Variants in DNAJC3 observed in about 807,000 individuals in gnomAD.
DNAJC3 encodes the protein dnaJ homolog subfamily C member 3.
DNAJC3 carries 38 observed loss-of-function variants against 68.6 expected under a neutral mutation model. The observed-to-expected ratio is 0.55, with a 90% CI of 0.43 to 0.73. The LOEUF (loss-of-function observed/expected upper bound fraction) is 0.73. Among genes scored for constraint, DNAJC3 ranks in the 30% least tolerant of loss-of-function variants. DNAJC3 has a pLI of 0.00. For synonymous variants in DNAJC3, 203 were observed against 204.0 expected (o/e 1.00, Z 0.04); for missense variants, 526 against 591.9 (o/e 0.89, Z 1.16).
intron 1 of DNAJC3, among the ~76,000 whole-genome samples, chr13:95,696,900 C>T (rs370669895): frequency 1.2e-4 from 19 of 152,254 alleles, no homozygotes; most frequent in African/African-American, 2.9e-4. Context: ...CGCCCACCAC[C>T]GCGCCTGGCT....
chr13:95,688,965 T>TGTGTGTGTGTGTGTGC (rs1491401957), intron 1 of DNAJC3, among the ~76,000 whole-genome samples: 1 of 130,910 alleles, frequency 7.6e-6, no homozygotes. Flanking sequence ...TGTGTGTGTG[T>TGTGTGTGTGTGTGTGC]GCGCGCTGTT....
rs1491401957 is a variant in DNAJC3 at position 95,688,965 on chromosome 13, T to TGTGTGTGTGC, written c.82+11629_82+11630insTGTGTGTGCG. Reference sequence around the variant, plus strand: ...GTGTGTGTGTGTGTGTGTGTGTGTGTGCGCGCTGTTGGATTTAGTTTGCTA... The same window carrying TGTGTGTGTGC: ...GTGTGTGTGTGTGTGTGTGTGTGTGTGTGTGTGTGCGCGCGCTGTTGGATTTAGTTTGCTA... On this transcript the variant is annotated intron_variant, in intron 1 of 11. Transcript: ENST00000602402. 2.4e-3 allele frequency among the ~76,000 whole-genome samples: 312 copies of TGTGTGTGTGC among 131,004 alleles called. 5 individuals carry two copies. The highest frequency in any genetic ancestry group is 7.8e-3 in the African/African-American group (301 of 38,346). 85.9% of individuals were successfully genotyped at this position (131,004 alleles called of 152,430 possible). A position where few individuals can be genotyped will look rare whatever the true frequency, so the allele number is the denominator to read the frequency against.
At chr13:95,766,641 A>C (rs953243392) in intron 9 of DNAJC3, among the ~76,000 whole-genome samples, 1 of 151,960 alleles carries the variant, frequency 6.6e-6, no homozygotes, top group African/African-American at 2.4e-5. Context: ...GTCATAGTGG[A>C]GAGTATGGAA....
At chr13:95,690,686 GGAC>G (rs1014653004) in intron 1 of DNAJC3, among the ~76,000 whole-genome samples, 4 of 136,820 alleles carry the variant, frequency 2.9e-5, no homozygotes, top group African/African-American at 8.2e-5. Context: ...CCTCCCTCCC[GGAC>G]GGGGCGGCTG....
At chr13:95,771,237 T>C (rs1883149220) in intron 9 of DNAJC3, among the ~76,000 whole-genome samples, 3 of 152,218 alleles carry the variant, frequency 2.0e-5, no homozygotes. Flanking sequence ...TACGGTAAAA[T>C]GCACAAGTCT....
intron 4 of DNAJC3, chr13:95,745,374 C>T (rs572992609): frequency 2.0e-5 from 3 of 152,306 alleles, no homozygotes; most frequent in South Asian, 4.2e-4. Flanking sequence ...CTCTCACACA[C>T]GTCTATCGTA....
rs17882856 is a variant in DNAJC3, at chr13:95,780,845, C to T, written c.1076-5094C>T. 9.3e-3 allele frequency among the ~76,000 whole-genome samples: 1,410 copies of T among 152,254 alleles called. 27 individuals are homozygous for T. The highest frequency in any genetic ancestry group is 0.032 in the African/African-American group (1,350 of 41,546). On this transcript the variant is annotated intron_variant, in intron 9 of 11. Coordinates refer to ENST00000602402, the MANE Select transcript of DNAJC3 (RefSeq NM_006260.5). ...AATGATTCAGGTGAATGGTGGCCCGCGTCACAGTGCTAACTATGGAAATGC... is the reference window on the plus strand; with the variant it reads ...AATGATTCAGGTGAATGGTGGCCCGTGTCACAGTGCTAACTATGGAAATGC...
chr13:95,698,269 G>A (rs968701392), intron 1 of DNAJC3, among the ~76,000 whole-genome samples: 1 of 152,096 alleles, frequency 6.6e-6, no homozygotes, highest in South Asian at 2.1e-4. Flanking sequence ...TGAGCCAGCA[G>A]CAGCAAAAGC....
chr13:95,762,428 C>A (rs1431192529), intron 7 of DNAJC3, among the ~76,000 whole-genome samples: 1 of 152,058 alleles, frequency 6.6e-6, no homozygotes, highest in Non-Finnish European at 1.5e-5. Context: ...AAAAAAAGAA[C>A]CCAGGGAACG....
chr13:95,706,991 C>T (rs1184311696), intron 1 of DNAJC3, among the ~76,000 whole-genome samples: 1 of 152,158 alleles, frequency 6.6e-6, no homozygotes, highest in East Asian at 1.9e-4. Context: ...AGTCCCCAAC[C>T]TTTTTGGCAC....
At chr13:95,692,157 CT>C (rs1344642327) in intron 1 of DNAJC3, among the ~76,000 whole-genome samples, 2 of 152,050 alleles carry the variant, frequency 1.3e-5, no homozygotes, top group African/African-American at 4.8e-5. Context: ...ACAATTTGGA[CT>C]TTTTTTGAGT....
At chr13:95,707,004 G>C (rs1426968690) in intron 1 of DNAJC3, among the ~76,000 whole-genome samples, 4 of 152,200 alleles carry the variant, frequency 2.6e-5, no homozygotes, top group Non-Finnish European at 5.9e-5. Context: ...TTTGGCACCA[G>C]GGATTGGTTT....
chr13:95,694,456 T>A (rs1001432029), intron 1 of DNAJC3: 2 of 152,566 alleles, frequency 1.3e-5, no homozygotes, highest in Admixed American at 1.3e-4. Flanking sequence ...ACAAATCCTA[T>A]AACCAAAATA....
chr13:95,702,344 CA>C (rs1168216969), intron 1 of DNAJC3, among the ~76,000 whole-genome samples: 1 of 152,190 alleles, frequency 6.6e-6, no homozygotes, highest in East Asian at 1.9e-4. Flanking sequence ...TCATGCTCAC[CA>C]TAAAGGAGAA....
At chr13:95,693,876 C>T (rs1206905861) in intron 1 of DNAJC3, 3 of 152,194 alleles carry the variant, frequency 2.0e-5, no homozygotes, top group African/African-American at 4.8e-5. Flanking sequence ...CACAGACCCA[C>T]GTTACAGCCT....
At chr13:95,705,842 A>G (rs1880724372) in intron 1 of DNAJC3, among the ~76,000 whole-genome samples, 1 of 152,120 alleles carries the variant, frequency 6.6e-6, no homozygotes, top group Non-Finnish European at 1.5e-5. Context: ...CCTGGCCACT[A>G]ATAGGTTTCT....
At chr13:95,757,377 G>T (rs758730686) in intron 4 of DNAJC3, among the ~76,000 whole-genome samples, 2 of 152,054 alleles carry the variant, frequency 1.3e-5, no homozygotes, top group Non-Finnish European at 2.9e-5. Flanking sequence ...GTCCTTTCAC[G>T]TGCCTACATG....
intron 4 of DNAJC3, chr13:95,742,775 A>C (rs368024334): frequency 2.3e-5 from 12 of 518,800 alleles, no homozygotes; most frequent in Non-Finnish European, 4.6e-5. Flanking sequence ...TCAGTCTTTA[A>C]ATTTGATGAA....
At chr13:95,716,970 C>G (rs948917885) in intron 2 of DNAJC3, among the ~76,000 whole-genome samples, 2 of 152,144 alleles carry the variant, frequency 1.3e-5, no homozygotes, top group African/African-American at 2.4e-5. Context: ...CCCCTCTCTA[C>G]CCAGCACTTC....
Sources: gnomAD v4.1 joint callset for allele counts (sites outside exome capture counted in the v4.1 genomes callset) on GRCh38, gnomAD v4.1.1 for gene constraint, MANE v1.5 for transcripts, NCBI Gene and HGNC (gene_info 2026-07-23, HGNC 2026-07-21) for gene names.